Variants in COL24A1 observed in about 807,000 individuals in gnomAD.
The protein encoded by COL24A1 is collagen type XXIV alpha 1 chain.
A neutral mutation model predicts 253.9 loss-of-function variants in COL24A1; 224 were observed. The observed-to-expected ratio is 0.88, with a 90% confidence interval of 0.79 to 0.99. The LOEUF is 0.99. COL24A1 is among the 50% of genes least tolerant of loss of function. The pLI, the probability that COL24A1 is intolerant of heterozygous loss-of-function variation, is 0.00. For missense variants in COL24A1, 2,131 were observed against 2,068.5 expected (o/e 1.03, Z -0.59); for synonymous variants, 685 against 673.7 (o/e 1.02, Z -0.26).
At chr1:85,948,815 A>G (rs1343352992) in intron 24 of COL24A1, among the ~76,000 whole-genome samples, 2 of 151,564 alleles carry the variant, frequency 1.3e-5, no homozygotes, top group East Asian at 1.9e-4. Flanking sequence ...ATGCAAGCAC[A>G]TGTACCCTAG....
intron 31 of COL24A1, 73 bp downstream of exon 31, chr1:85,895,785 T>C (rs1683621971): frequency 8.4e-7 from 1 of 1,196,332 alleles, no homozygotes; most frequent in African/African-American, 1.5e-5. Flanking sequence ...CCCCCAAACA[T>C]TGTTTGAGCA....
At chr1:86,041,008 T>A (rs1699434936) in intron 12 of COL24A1, among the ~76,000 whole-genome samples, 1 of 152,156 alleles carries the variant, frequency 6.6e-6, no homozygotes, top group Admixed American at 6.5e-5. Flanking sequence ...ACACCAGGAT[T>A]TTATATTCTG....
chr1:86,120,735 G>A (rs1004538180), intron 3 of COL24A1, among the ~76,000 whole-genome samples: 3 of 152,162 alleles, frequency 2.0e-5, no homozygotes, highest in Admixed American at 6.5e-5. Context: ...ACAGTGTGGC[G>A]ATTCCTCAAG....
chr1:86,068,886 TC>T (rs1040598593), intron 7 of COL24A1, among the ~76,000 whole-genome samples: 1 of 152,108 alleles, frequency 6.6e-6, no homozygotes, highest in African/African-American at 2.4e-5. Flanking sequence ...AAAGGGAACT[TC>T]CTGCTTTGAA....
intron 19 of COL24A1, among the ~76,000 whole-genome samples, chr1:85,996,115 T>C (rs1182704887): frequency 1.3e-5 from 2 of 152,160 alleles, no homozygotes; most frequent in East Asian, 3.9e-4. Context: ...TATACCTCTA[T>C]AAAGCTGCAA....
At chr1:85,793,501 A>AGAGAGC (rs1290925639) in intron 47 of COL24A1, among the ~76,000 whole-genome samples, 4 of 152,118 alleles carry the variant, frequency 2.6e-5, no homozygotes, top group Non-Finnish European at 5.9e-5. Flanking sequence ...GAGGGGAGAG[A>AGAGAGC]GAGAGCGAGA....
Position 85,789,260 on chromosome 1 carries a change from G to T in COL24A1, c.3952-2799C>A, listed in dbSNP as rs190826077. Among the ~76,000 whole-genome samples the T allele has an allele frequency of 1.8e-3, 280 of 152,242 alleles. 2 individuals carry two copies. The highest frequency in any genetic ancestry group is 3.3e-3 in the Admixed American group (50 of 15,286). On this transcript the variant is annotated intron_variant, in intron 47 of 59. Coordinates refer to ENST00000370571, the MANE Select transcript of COL24A1 (RefSeq NM_152890.7). ...TGAGCAGTGTTTTGTAGTACTGCTT[G>T]AAGAGGTCCTTTATTTCCCTTGTTA...
chr1:85,775,254 G>C (rs1668418801), intron 53 of COL24A1, among the ~76,000 whole-genome samples: 1 of 152,120 alleles, frequency 6.6e-6, no homozygotes, highest in African/African-American at 2.4e-5. Context: ...TGTGATTTCT[G>C]TTCTTTTACA....
At chr1:85,861,043 G>A (rs1335222063) in intron 37 of COL24A1, among the ~76,000 whole-genome samples, 1 of 152,124 alleles carries the variant, frequency 6.6e-6, no homozygotes, top group African/African-American at 2.4e-5. Flanking sequence ...TGGGTCATAT[G>A]GTAAGTCCAT....
chr1:86,150,671 A>G (rs905119452), intron 1 of COL24A1, among the ~76,000 whole-genome samples: 1 of 152,132 alleles, frequency 6.6e-6, no homozygotes, highest in Non-Finnish European at 1.5e-5. Context: ...AAAGAGCCAA[A>G]CCATTATTGT....
Position 85,961,265 on chromosome 1 carries a change from C to A in COL24A1, c.2546G>T (p.Gly849Val). The A allele has an allele frequency of 6.2e-7, 1 of 1,604,526 alleles. No homozygotes were observed. The highest frequency in any genetic ancestry group is 8.5e-7 in the Non-Finnish European group (1 of 1,172,740). The change falls in exon 24 of 60, where the codon GGA becomes GTA. Residue 849 changes from glycine to valine, a missense_variant. Coordinates refer to ENST00000370571, the MANE Select transcript of COL24A1 (RefSeq NM_152890.7). ...TAAGCTTACTGTTTCACCAATTTTT[C>A]CAATATTTCCTTGATCTCCTACTTC... Reference protein sequence around the residue: ...KGEVGDQGNIGKIGETGPVGL... With the variant: ...KGEVGDQGNIVKIGETGPVGL...
intron 55 of COL24A1, among the ~76,000 whole-genome samples, chr1:85,748,789 C>G (rs1364688440): frequency 6.2e-5 from 6 of 96,124 alleles, no homozygotes; most frequent in Admixed American, 1.1e-4. Context: ...CCTGGAAAAT[C>G]GGGTCACTCC....
At chr1:86,082,865 C>CAAATCTGA (rs140399016) in intron 7 of COL24A1, among the ~76,000 whole-genome samples, 10,705 of 151,626 alleles carry the variant, frequency 0.071, 516 homozygotes, top group Admixed American at 0.096. Context: ...TTGAGACTCC[C>CAAATCTGA]AAATCTGAAA....
At chr1:85,772,103 T>A (rs1390713993) in intron 53 of COL24A1, among the ~76,000 whole-genome samples, 1 of 149,792 alleles carries the variant, frequency 6.7e-6, no homozygotes, top group African/African-American at 2.5e-5. Context: ...TCCAATTTCA[T>A]CCATGTCCCT....
chr1:85,808,278 A>G (rs866395020), intron 47 of COL24A1, among the ~76,000 whole-genome samples: 16 of 152,208 alleles, frequency 1.1e-4, no homozygotes, highest in African/African-American at 3.6e-4. Context: ...TGTTTTACTC[A>G]TGTGTTTGGC....
At chr1:85,873,379 A>C in intron 35 of COL24A1, among the ~76,000 whole-genome samples, 1 of 152,214 alleles carries the variant, frequency 6.6e-6, no homozygotes, top group Admixed American at 6.5e-5. Context: ...CTATAAAGAC[A>C]CATGCACATG....
intron 11 of COL24A1, 64 bp from the exon 12 acceptor site, chr1:86,046,933 T>C: frequency 4.4e-6 from 4 of 904,510 alleles, no homozygotes; most frequent in Non-Finnish European, 5.5e-6. Context: ...TATAGATCTT[T>C]TTCTCCCAAT....
intron 57 of COL24A1, among the ~76,000 whole-genome samples, chr1:85,738,399 C>T (rs1223416329): frequency 6.6e-6 from 1 of 152,098 alleles, no homozygotes; most frequent in African/African-American, 2.4e-5. Context: ...CACTATCACT[C>T]AGTGGGAAAA....
intron 19 of COL24A1, among the ~76,000 whole-genome samples, chr1:85,990,610 G>A (rs149221214): frequency 6.6e-6 from 1 of 152,252 alleles, no homozygotes; most frequent in African/African-American, 2.4e-5. Flanking sequence ...CAGGTGTTAG[G>A]GGCCCCTGCA....
Sources: gnomAD v4.1 joint callset for allele counts (sites outside exome capture counted in the v4.1 genomes callset) on GRCh38, gnomAD v4.1.1 for gene constraint, MANE v1.5 for transcripts, NCBI Gene and HGNC (gene_info 2026-07-23, HGNC 2026-07-21) for gene names.